ZNF609: variants seen among roughly 807,000 people sequenced by gnomAD.
ZNF609 encodes zinc finger protein 609.
In ZNF609, 11 loss-of-function variants were observed where a neutral mutation model predicts 109.5. The observed-to-expected ratio is 0.10, with a 90% CI of 0.06 to 0.17. The LOEUF (loss-of-function observed/expected upper bound fraction) is 0.17. ZNF609 is among the 10% of genes least tolerant of loss of function. The pLI is 1.00. For missense variants in ZNF609, 1,559 were observed against 1,772.4 expected, an observed-to-expected ratio of 0.88 and a Z score of 2.16; for synonymous variants, 646 against 662.0, an observed-to-expected ratio of 0.98 and a Z score of 0.37.
chr15:64,649,377 CAT>C (rs1734290393), intron 3 of ZNF609, among the ~76,000 whole-genome samples: 1 of 152,140 alleles, frequency 6.6e-6, no homozygotes, highest in Admixed American at 6.6e-5. Context: ...CTGTCTCACA[CAT>C]ACACACACAC....
chr15:64,677,309 C>T (rs1049257680), intron 5 of ZNF609, among the ~76,000 whole-genome samples: 7 of 151,708 alleles, frequency 4.6e-5, no homozygotes, highest in South Asian at 2.1e-4. Flanking sequence ...GCAATCCTCG[C>T]GCCTCAGCCT....
At chr15:64,661,314 C>T (rs562857178) in intron 3 of ZNF609, among the ~76,000 whole-genome samples, 3 of 152,252 alleles carry the variant, frequency 2.0e-5, no homozygotes, top group South Asian at 4.1e-4. Flanking sequence ...TTGTCTTTCT[C>T]CTCTTATCTG....
chr15:64,509,119 T>TA, intron 2 of ZNF609, among the ~76,000 whole-genome samples: 3 of 152,334 alleles, frequency 2.0e-5, no homozygotes, highest in Admixed American at 2.0e-4. Flanking sequence ...CCAAAAACTT[T>TA]AAAATGTAAC....
At chr15:64,487,617 T>G (rs148916441) in intron 1 of ZNF609, among the ~76,000 whole-genome samples, 39 of 152,152 alleles carry the variant, frequency 2.6e-4, no homozygotes, top group East Asian at 2.3e-3. Flanking sequence ...GTGTTTTTTT[T>G]TTGTTGTTTG....
chr15:64,618,729 G>GCT lies in ZNF609; in HGVS notation c.748-4095_748-4094dup, dbSNP rs1484597715. The stretch of plus-strand genomic sequence containing the variant: ...CACGGCCTGCTGGCATTTGTCATGT[G>GCT]CTCTTCCGCCACGTGTGCTCTTCTG... On this transcript the variant is annotated intron_variant, in intron 2 of 9. Transcript: ENST00000326648. 1.7e-4 allele frequency among the ~76,000 whole-genome samples: 26 copies of GCT among 152,118 alleles called. 1 individual carries two copies. Among genetic ancestry groups the GCT allele is most frequent in the Admixed American group, 1.7e-3 (26 of 15,266 alleles).
rs774473660 is a variant in ZNF609 at position 64,674,177 on chromosome 15, A to G, written c.1323A>G (p.Lys441=). 1 of 1,614,092 alleles carries G rather than the reference A, an allele frequency of 6.2e-7. No homozygotes were observed. The highest frequency in any genetic ancestry group is 1.3e-5 in the African/African-American group (1 of 74,942). ...KASPSSANKR[K]NKPLSDMELN... ...GCCCTTCCTCAGCTAATAAGCGGAA[A>G]AACAAACCCCTTTCAGACATGGAGC... The change falls in exon 5 of 10, where the codon AAA becomes AAG. Residue 441 remains lysine (K), a synonymous_variant. Coordinates refer to ENST00000326648, the MANE Select transcript of ZNF609 (RefSeq NM_015042.2).
chr15:64,593,787 C>G (rs1038464898), intron 2 of ZNF609, among the ~76,000 whole-genome samples: 6 of 152,246 alleles, frequency 3.9e-5, no homozygotes, highest in Non-Finnish European at 1.5e-5. Flanking sequence ...GCCTACAGTG[C>G]TGGGATTACA....
intron 2 of ZNF609, among the ~76,000 whole-genome samples, chr15:64,568,165 A>G (rs1207594410): frequency 6.6e-6 from 1 of 152,158 alleles, no homozygotes; most frequent in Non-Finnish European, 1.5e-5. Flanking sequence ...ATACTTTATC[A>G]TGACTCTCCA....
At chr15:64,610,138 A>C (rs1895693887) in intron 2 of ZNF609, among the ~76,000 whole-genome samples, 1 of 152,162 alleles carries the variant, frequency 6.6e-6, no homozygotes, top group South Asian at 2.1e-4. Flanking sequence ...GGAGTTCGAG[A>C]GCAGCTTAGG....
At chr15:64,593,150 G>A (rs1895330765) in intron 2 of ZNF609, 2 of 1,572,196 alleles carry the variant, frequency 1.3e-6, no homozygotes, top group Admixed American at 1.7e-5. Flanking sequence ...TGAAGCGAGC[G>A]TCTTCGATGC....
At chr15:64,664,091 G>T (rs1896614682) in intron 3 of ZNF609, among the ~76,000 whole-genome samples, 1 of 152,094 alleles carries the variant, frequency 6.6e-6, no homozygotes, top group South Asian at 2.1e-4. Context: ...AACGAGGTGT[G>T]GTGGTGCACA....
chr15:64,648,762 AAAAAAAT>A (rs1177728619), intron 3 of ZNF609, among the ~76,000 whole-genome samples: 2 of 151,790 alleles, frequency 1.3e-5, no homozygotes, highest in Non-Finnish European at 2.9e-5. Context: ...AAAAAAAAAA[AAAAAAAT>A]TAGGGAAAGC....
rs532379167 is a variant in ZNF609 at position 64,495,084 on chromosome 15, CA to C, written c.-127-4208del. Among the ~76,000 whole-genome samples, 308 of 141,598 alleles carry C rather than the reference CA, an allele frequency of 2.2e-3. 1 individual carries two copies. The highest frequency in any genetic ancestry group is 7.5e-3 in the African/African-American group (296 of 39,462). The allele number at this position is 141,598 out of a possible 152,430, so 92.9% of individuals were successfully genotyped here. On this transcript the variant is annotated intron_variant, in intron 1 of 9. Coordinates refer to ENST00000326648, the MANE Select transcript of ZNF609 (RefSeq NM_015042.2). ...GTACAATTTTTAAAAAGTGTAATGG[CA>C]GTATCACTTGCTTACTAGAAAAAAA... is the stretch of plus-strand genomic sequence containing the variant.
intron 3 of ZNF609, among the ~76,000 whole-genome samples, chr15:64,627,336 G>C (rs1038241553): frequency 8.5e-5 from 13 of 152,282 alleles, no homozygotes; most frequent in African/African-American, 3.1e-4. Flanking sequence ...TTGCATACTG[G>C]CTTGTGTGGT....
intron 2 of ZNF609, among the ~76,000 whole-genome samples, chr15:64,567,177 C>T (rs1056650865): frequency 2.6e-5 from 4 of 152,004 alleles, no homozygotes; most frequent in African/African-American, 9.7e-5. Flanking sequence ...TGTGAACTGC[C>T]ACCTCCTTTA....
intron 2 of ZNF609, among the ~76,000 whole-genome samples, chr15:64,553,338 G>C (rs1894517649): frequency 6.6e-6 from 1 of 150,504 alleles, no homozygotes; most frequent in Non-Finnish European, 1.5e-5. Flanking sequence ...AATATGGAGA[G>C]AATTGCCATC....
rs751342797 is a variant in ZNF609, at chr15:64,675,010, C to A, written c.2156C>A (p.Pro719His). 1.9e-6 allele frequency: 3 copies of A among 1,614,048 alleles called. No homozygotes were observed. The South Asian group carries it at 3.3e-5, about 18-fold the overall frequency. ...ATGGGAGAACCTTTCACAGTCAACC[C>A]TGCCTTGACTCCAGCCAAGGACAAG... ...TVMGEPFTVN[P>H]ALTPAKDKKK... Residue 719 changes from proline (P) to histidine (H), a missense_variant, in exon 5 of 10, where the codon CCT becomes CAT. By Grantham distance (77) the Pro-to-His change is moderately conservative. Around this residue, in one of 4 missense-constraint regions of ZNF609, gnomAD observed 1,204 missense variants for 1,314.1 expected, o/e 0.92. Coordinates refer to ENST00000326648, the MANE Select transcript of ZNF609 (RefSeq NM_015042.2).
At chr15:64,512,102 T>C (rs1207368992) in intron 2 of ZNF609, among the ~76,000 whole-genome samples, 1 of 152,150 alleles carries the variant, frequency 6.6e-6, no homozygotes. Flanking sequence ...CCTTTTTCAT[T>C]GCTCAGTGTA....
At chr15:64,677,784 A>G (rs1248403707) in intron 5 of ZNF609, among the ~76,000 whole-genome samples, 1 of 152,162 alleles carries the variant, frequency 6.6e-6, no homozygotes, top group Non-Finnish European at 1.5e-5. Flanking sequence ...CAATCTAAAC[A>G]TATTGGAAGG....
Sources: gnomAD v4.1 joint callset for allele counts (sites outside exome capture counted in the v4.1 genomes callset) on GRCh38, gnomAD v4.1.1 for gene constraint, gnomAD v4.1.1 regional missense constraint, MANE v1.5 for transcripts, NCBI Gene and HGNC (gene_info 2026-07-23, HGNC 2026-07-21) for gene names.